SESTD1: variants seen among roughly 807,000 people sequenced by gnomAD.
SESTD1 encodes the protein SEC14 domain and spectrin repeat-containing protein 1.
SESTD1 carries 43 observed loss-of-function variants against 101.7 expected under a neutral mutation model. The ratio of observed to expected loss-of-function variants is 0.42; its 90% CI spans 0.33 to 0.55. The LOEUF (loss-of-function observed/expected upper bound fraction) is 0.55, where lower values mean the gene tolerates loss of function less well. Among genes scored for constraint, SESTD1 ranks in the 20% least tolerant of loss-of-function variants. The pLI is 0.07. For synonymous variants in SESTD1, 283 were observed against 286.8 expected, an observed-to-expected ratio of 0.99 and a Z score of 0.13; for missense variants, 647 against 815.1, an observed-to-expected ratio of 0.79 and a Z score of 2.51.
chr2:179,194,858 C>T (rs1324061336), intron 1 of SESTD1, among the ~76,000 whole-genome samples: 1 of 152,164 alleles, frequency 6.6e-6, no homozygotes, highest in African/African-American at 2.4e-5. Context: ...CCCAGAAGAC[C>T]TCACTGTCAT....
intron 14 of SESTD1, 75 bp downstream of exon 14, chr2:179,117,457 C>T (rs1301672909): frequency 8.4e-6 from 11 of 1,314,012 alleles, no homozygotes; most frequent in Non-Finnish European, 1.1e-5. Flanking sequence ...ATGAAAAGTA[C>T]ACTTTTGTTT....
At chr2:179,257,113 T>C (rs1435389018) in intron 1 of SESTD1, among the ~76,000 whole-genome samples, 1 of 152,000 alleles carries the variant, frequency 6.6e-6, no homozygotes, top group African/African-American at 2.4e-5. Flanking sequence ...ACTGGTGGGT[T>C]GTTGTTTTTT....
chr2:179,121,426 C>G (rs1231687782), intron 13 of SESTD1, among the ~76,000 whole-genome samples: 1 of 151,952 alleles, frequency 6.6e-6, no homozygotes, highest in African/African-American at 2.4e-5. Context: ...AGTTTAATGG[C>G]AACTCTAAAC....
chr2:179,144,897 T>C (rs2045361469), intron 8 of SESTD1, among the ~76,000 whole-genome samples: 1 of 151,982 alleles, frequency 6.6e-6, no homozygotes, highest in Admixed American at 6.6e-5. Context: ...TTCAAGCTGC[T>C]AAACATATAT....
intron 1 of SESTD1, among the ~76,000 whole-genome samples, chr2:179,244,820 G>A (rs764729209): frequency 6.6e-5 from 10 of 152,174 alleles, no homozygotes; most frequent in Non-Finnish European, 1.3e-4. Context: ...CTGAAGCAAG[G>A]ATATAGCTGT....
At chr2:179,203,375 C>T (rs2046545990) in intron 1 of SESTD1, among the ~76,000 whole-genome samples, 1 of 133,812 alleles carries the variant, frequency 7.5e-6, no homozygotes, top group Non-Finnish European at 1.6e-5. Flanking sequence ...ACCCATGACA[C>T]CCAGGAGTTC....
chr2:179,230,050 A>G (rs1463170558), intron 1 of SESTD1, among the ~76,000 whole-genome samples: 1 of 140,772 alleles, frequency 7.1e-6, no homozygotes, highest in Non-Finnish European at 1.5e-5. Flanking sequence ...AATGAAAAGC[A>G]CCCCCAAAAA....
At chr2:179,221,511 G>T (rs1167604510) in intron 1 of SESTD1, among the ~76,000 whole-genome samples, 4 of 151,778 alleles carry the variant, frequency 2.6e-5, no homozygotes, top group Non-Finnish European at 5.9e-5. Context: ...TACTCGGGAG[G>T]CTGAGGCAGG....
rs764332482 is a variant in SESTD1, at chr2:179,215,447, T to C, written c.-25-23581A>G. Among the ~76,000 whole-genome samples, 21 of 133,714 alleles carry C rather than the reference T, an allele frequency of 1.6e-4. 7 individuals are homozygous for C. Among genetic ancestry groups the C allele is most frequent in the Admixed American group, 1.0e-3 (14 of 13,726 alleles). The allele number at this position is 133,714 out of a possible 152,430, so 87.7% of individuals were successfully genotyped here. ...CTCCCAAGATTAAACCAGGGAGAAG[T>C]TGAATCTCTGAATAGACCAATAACA... On this transcript the variant is annotated intron_variant, in intron 1 of 17. Coordinates refer to ENST00000428443, the MANE Select transcript of SESTD1 (RefSeq NM_178123.5).
rs1307934086 is a variant in SESTD1 at position 179,112,845 on chromosome 2, T to G, written c.1840A>C (p.Ile614Leu). The G allele has an allele frequency of 1.2e-6, 2 of 1,606,798 alleles. No homozygotes were observed. The highest frequency in any genetic ancestry group is 2.7e-5 in the African/African-American group (2 of 74,496). ...AIAFHSNAEK[I>L]LQDCPEEPEA... ...GGCTCTTCTGGACAGTCCTGCAAAA[T>G]CTGCAACAAATAAAAGAGCAACATC... Residue 614 changes from isoleucine (I) to leucine (L), a missense_variant and splice_region_variant, in exon 17 of 18, where the codon ATT (isoleucine) becomes CTT (leucine). Transcript: ENST00000428443.
At chr2:179,149,535 G>T in intron 6 of SESTD1, 141 bp from the exon 7 acceptor site, 2 of 537,126 alleles carry the variant, frequency 3.7e-6, no homozygotes, top group Non-Finnish European at 3.2e-6. Flanking sequence ...TACCACCAGA[G>T]CACAACAATG....
At chr2:179,112,682 C>T in intron 17 of SESTD1, 42 bp downstream of exon 17, 3 of 1,551,380 alleles carry the variant, frequency 1.9e-6, no homozygotes, top group Non-Finnish European at 2.6e-6. Context: ...CACTTTAAGA[C>T]CACACCAATA....
chr2:179,130,769 A>G (rs1285275015), intron 10 of SESTD1, among the ~76,000 whole-genome samples: 2 of 152,084 alleles, frequency 1.3e-5, no homozygotes, highest in Non-Finnish European at 2.9e-5. Flanking sequence ...ACAGTTTTTT[A>G]GGAACTAAAG....
chr2:179,254,996 T>C (rs972079723), intron 1 of SESTD1, among the ~76,000 whole-genome samples: 4 of 152,218 alleles, frequency 2.6e-5, no homozygotes, highest in African/African-American at 9.7e-5. Context: ...TGATCTTTGA[T>C]GTTACTACTG....
intron 1 of SESTD1, among the ~76,000 whole-genome samples, chr2:179,241,924 A>T (rs1013180668): frequency 3.4e-4 from 41 of 119,398 alleles, no homozygotes; most frequent in African/African-American, 4.7e-4. Flanking sequence ...ATTGTCTCAT[A>T]AAAAAAAAAA....
intron 1 of SESTD1, among the ~76,000 whole-genome samples, chr2:179,196,591 C>G (rs1002463474): frequency 1.3e-5 from 2 of 152,222 alleles, no homozygotes; most frequent in Non-Finnish European, 1.5e-5. Context: ...GTGGTTCTCC[C>G]AGCATGCAGC....
At chr2:179,233,068 G>A (rs2047009180) in intron 1 of SESTD1, among the ~76,000 whole-genome samples, 1 of 152,132 alleles carries the variant, frequency 6.6e-6, no homozygotes, top group South Asian at 2.1e-4. Flanking sequence ...AAAATTCTAA[G>A]ATGGAAATCA....
chr2:179,174,060 G>A (rs1476229816), intron 4 of SESTD1, among the ~76,000 whole-genome samples: 1 of 152,162 alleles, frequency 6.6e-6, no homozygotes, highest in Non-Finnish European at 1.5e-5. Context: ...TTTTACCAGA[G>A]GGGCTGGAAA....
chr2:179,155,842 G>A (rs753164746), intron 5 of SESTD1, among the ~76,000 whole-genome samples: 11 of 151,900 alleles, frequency 7.2e-5, no homozygotes, highest in Non-Finnish European at 1.5e-4. Context: ...CCCATCACCC[G>A]AGCAGTATAC....
Sources: gnomAD v4.1 joint callset for allele counts (sites outside exome capture counted in the v4.1 genomes callset) on GRCh38, gnomAD v4.1.1 for gene constraint, MANE v1.5 for transcripts, NCBI Gene and HGNC (gene_info 2026-07-23, HGNC 2026-07-21) for gene names.